The following FOXP1 variants were observed in gnomAD, a reference collection of about 807,000 sequenced individuals.
FOXP1 encodes the protein forkhead box P1.
A neutral mutation model predicts 98.2 loss-of-function variants in FOXP1; 15 were observed. The observed-to-expected ratio is 0.15, with a 90% CI of 0.10 to 0.24. The LOEUF (loss-of-function observed/expected upper bound fraction) is 0.24, where lower values mean the gene tolerates loss of function less well. FOXP1 is among the 10% of genes least tolerant of loss of function. The pLI is 1.00. For missense variants in FOXP1, 633 were observed against 848.5 expected, an observed-to-expected ratio of 0.75 and a Z score of 3.15; for synonymous variants, 371 against 314.5, an observed-to-expected ratio of 1.18 and a Z score of -1.90.
intron 19 of FOXP1, among the ~76,000 whole-genome samples, chr3:70,967,682 T>C (rs2035134134): frequency 6.9e-6 from 1 of 145,434 alleles, no homozygotes; most frequent in African/African-American, 2.6e-5. Flanking sequence ...GAACTACTAT[T>C]ATTTGTTTTT....
intron 2 of FOXP1, among the ~76,000 whole-genome samples, chr3:71,522,968 G>A (rs1417556765): frequency 6.6e-6 from 1 of 152,204 alleles, no homozygotes; most frequent in Non-Finnish European, 1.5e-5. Flanking sequence ...TGAGCGAAAA[G>A]AGAAGGTGGA....
At chr3:71,396,642 C>T (rs1347471673) in intron 3 of FOXP1, among the ~76,000 whole-genome samples, 2 of 151,734 alleles carry the variant, frequency 1.3e-5, no homozygotes, top group African/African-American at 4.9e-5. Context: ...TTCAGACTGA[C>T]TACATAATTT....
intron 3 of FOXP1, among the ~76,000 whole-genome samples, chr3:71,401,580 C>T (rs939233442): frequency 6.6e-6 from 1 of 152,198 alleles, no homozygotes; most frequent in African/African-American, 2.4e-5. Context: ...TTTTATTTGG[C>T]TTCCAACATT....
At position 71,489,146 on chromosome 3, in the gene FOXP1, C is replaced by T. The variant is rs139848037; in HGVS notation, c.-168+4280G>A. Among the ~76,000 whole-genome samples, 987 of 152,162 alleles carry T rather than the reference C, an allele frequency of 6.5e-3. 12 individuals carry two copies. The highest frequency in any genetic ancestry group is 0.022 in the African/African-American group (918 of 41,506). ...ACCGGTCACGGAAAGTCCATATTCT[C>T]GAGTTTTATTTTAAAAAGAAAGGAA... On this transcript the variant is annotated intron_variant, in intron 3 of 20. Transcript: ENST00000649528.
intron 6 of FOXP1, among the ~76,000 whole-genome samples, chr3:71,144,660 T>C (rs1225013897): frequency 6.6e-6 from 1 of 152,112 alleles, no homozygotes; most frequent in African/African-American, 2.4e-5. Context: ...TCACAAGAGA[T>C]AGGCTGGGCT....
chr3:71,132,960 G>A lies in FOXP1; in HGVS notation c.181-20323C>T, dbSNP rs541375063. On this transcript the variant is annotated intron_variant, in intron 6 of 20. Transcript: ENST00000649528. ...TGTACTAGTTCAATCTGTGAAAGTC[G>A]CCACAGTTGTTCTCTAACCATAAAA... Among the ~76,000 whole-genome samples the A allele has an allele frequency of 2.4e-4, 33 of 138,682 alleles. No individual in the cohort carries two copies. The South Asian group carries it at 7.6e-3, about 32-fold the overall frequency. The allele number at this position is 138,682 out of a possible 152,430, so 91.0% of individuals were successfully genotyped here. A position where few individuals can be genotyped will look rare whatever the true frequency, so the allele number is the denominator to read the frequency against.
In FOXP1 at chr3:71,494,917, G is replaced by GA. The variant is rs796116319; in HGVS notation, c.-297-1363dup. ...AAAGCCATGAAGTCTATGTCACATAGAAAAAAAAAAAAAGAAAAGAAAAAA... is the reference window on the plus strand; with the variant it reads ...AAAGCCATGAAGTCTATGTCACATAGAAAAAAAAAAAAAAGAAAAGAAAAAA... On this transcript the variant is annotated intron_variant, in intron 2 of 20. Coordinates refer to ENST00000649528, the MANE Select transcript of FOXP1 (RefSeq NM_001349338.3). Among the ~76,000 whole-genome samples, 525 of 98,808 alleles carry GA rather than the reference G, an allele frequency of 5.3e-3. 6 individuals carry two copies. The highest frequency in any genetic ancestry group is 0.011 in the African/African-American group (297 of 26,790). 64.8% of individuals were successfully genotyped at this position (98,808 alleles called of 152,430 possible).
At chr3:71,155,270 C>G (rs1049231363) in intron 6 of FOXP1, among the ~76,000 whole-genome samples, 3 of 152,174 alleles carry the variant, frequency 2.0e-5, no homozygotes, top group African/African-American at 7.2e-5. Context: ...CTCTGAAACA[C>G]AATCTTACAT....
chr3:71,129,949 T>C (rs2059462621), intron 6 of FOXP1, among the ~76,000 whole-genome samples: 1 of 152,060 alleles, frequency 6.6e-6, no homozygotes, highest in African/African-American at 2.4e-5. Context: ...GTTGAAACAA[T>C]AGGAATATGA....
At chr3:71,544,363 G>T (rs982585114) in intron 2 of FOXP1, among the ~76,000 whole-genome samples, 4 of 140,986 alleles carry the variant, frequency 2.8e-5, no homozygotes, top group Admixed American at 1.4e-4. Context: ...TGTATCAAAG[G>T]AAAGTAAAGA....
At position 71,154,902 on chromosome 3, in the gene FOXP1, A is replaced by G. The variant is rs149020233; in HGVS notation, c.181-42265T>C. Among the ~76,000 whole-genome samples the G allele has an allele frequency of 4.5e-4, 68 of 152,328 alleles. 3 individuals carry two copies. The highest frequency in any genetic ancestry group is 1.5e-3 in the African/African-American group (62 of 41,582). ...TTGTTTTTTTAACATTTGCAATAAG[A>G]TTTCAAAATAGAAAATTTGAATTTG... On this transcript the variant is annotated intron_variant, in intron 6 of 20. Transcript: ENST00000649528.
At position 71,131,265 on chromosome 3, in the gene FOXP1, G is replaced by A. The variant is rs148423999; in HGVS notation, c.181-18628C>T. 5.0e-4 allele frequency among the ~76,000 whole-genome samples: 76 copies of A among 151,974 alleles called. 1 individual carries two copies. The South Asian group carries it at 5.4e-3, about 11-fold the overall frequency. On this transcript the variant is annotated intron_variant, in intron 6 of 20. Coordinates refer to ENST00000649528, the MANE Select transcript of FOXP1 (RefSeq NM_001349338.3). ...TGCCTAATGGAACACTCCTTAACCC[G>A]CCCCAAAATGATTGTCACAGTCCTG...
rs2106821125 is a variant in FOXP1, at chr3:70,957,406, A to ATTTGCCTCTAAATTCT, written c.*1825_*1840dup. The ATTTGCCTCTAAATTCT allele has an allele frequency of 8.7e-6, 2 of 229,908 alleles. No individual in the cohort carries two copies. Among genetic ancestry groups the ATTTGCCTCTAAATTCT allele is most frequent in the South Asian group, 3.6e-4 (2 of 5,494 alleles). The allele number at this position is 229,908 out of a possible 1,614,324, so 14.2% of individuals were successfully genotyped here. ...AGGTTGCAATAGCCTATCGCTTGTC[A>ATTTGCCTCTAAATTCT]TTTGCCTCTAAATTCTTTTGCCTCC... On this transcript the variant is annotated 3_prime_UTR_variant, in exon 21 of 21. Coordinates refer to ENST00000649528, the MANE Select transcript of FOXP1 (RefSeq NM_001349338.3).
At chr3:71,145,386 A>C (rs998070481) in intron 6 of FOXP1, among the ~76,000 whole-genome samples, 31 of 151,688 alleles carry the variant, frequency 2.0e-4, no homozygotes, top group Non-Finnish European at 4.1e-4. Context: ...ATAACACAAA[A>C]ATTAGCTGGG....
At chr3:71,191,810 T>C (rs2062996679) in intron 6 of FOXP1, among the ~76,000 whole-genome samples, 1 of 152,238 alleles carries the variant, frequency 6.6e-6, no homozygotes, top group Non-Finnish European at 1.5e-5. Flanking sequence ...ATCTGAATCC[T>C]GTCTCAGTTT....
At chr3:71,150,354 C>T (rs748248797) in intron 6 of FOXP1, among the ~76,000 whole-genome samples, 1 of 152,166 alleles carries the variant, frequency 6.6e-6, no homozygotes, top group Non-Finnish European at 1.5e-5. Context: ...AATTCTCCTT[C>T]TGATATGCAT....
chr3:71,296,744 A>G (rs1481442052), intron 5 of FOXP1, among the ~76,000 whole-genome samples: 3 of 152,202 alleles, frequency 2.0e-5, no homozygotes, highest in Non-Finnish European at 2.9e-5. Context: ...GGAGGGGCCA[A>G]TAGAAGGTGT....
chr3:71,074,123 T>C (rs1240414503), intron 7 of FOXP1, among the ~76,000 whole-genome samples: 1 of 152,214 alleles, frequency 6.6e-6, no homozygotes, highest in Non-Finnish European at 1.5e-5. Flanking sequence ...TGTGATGCAT[T>C]TGGCATTTCC....
chr3:71,542,386 TA>T (rs2044920431), intron 2 of FOXP1, among the ~76,000 whole-genome samples: 2 of 152,244 alleles, frequency 1.3e-5, no homozygotes, highest in Admixed American at 1.3e-4. Context: ...TACCCCTTTG[TA>T]ACTGCAACTT....
Sources: allele counts gnomAD v4.1 joint callset (sites outside exome capture counted in the v4.1 genomes callset), GRCh38; gene constraint gnomAD v4.1.1; transcripts MANE v1.5; gene names NCBI Gene and HGNC (gene_info 2026-07-23, HGNC 2026-07-21).